The following NALF1 variants were observed in gnomAD, a reference collection of about 807,000 sequenced individuals.
NALF1 encodes the protein NALCN channel auxiliary factor 1.
In NALF1, 3 loss-of-function variants were observed where a neutral mutation model predicts 48.4. The observed-to-expected ratio is 0.06, with a 90% confidence interval of 0.03 to 0.16. NALF1 has a LOEUF of 0.16. Among genes scored for constraint, NALF1 ranks in the 10% least tolerant of loss-of-function variants. The pLI is 1.00. For missense variants in NALF1, 526 were observed against 571.5 expected (o/e 0.92, Z 0.81); for synonymous variants, 262 against 245.7 (o/e 1.07, Z -0.62).
At chr13:107,188,691 A>G (rs943870089) in intron 2 of NALF1, among the ~76,000 whole-genome samples, 10 of 152,210 alleles carry the variant, frequency 6.6e-5, no homozygotes, top group Admixed American at 3.9e-4. Flanking sequence ...AGTGAGAGTA[A>G]GGATGAGTCC....
chr13:107,773,724 T>A (rs1306927192), intron 1 of NALF1, among the ~76,000 whole-genome samples: 1 of 19,424 alleles, frequency 5.1e-5, no homozygotes, highest in African/African-American at 2.0e-4. Flanking sequence ...CACCAGGGAC[T>A]GTTGTGGGGT....
chr13:107,679,471 T>C (rs1881220153), intron 1 of NALF1, among the ~76,000 whole-genome samples: 1 of 152,212 alleles, frequency 6.6e-6, no homozygotes, highest in African/African-American at 2.4e-5. Flanking sequence ...GAGCCAGCCC[T>C]CACTGTGCAA....
chr13:107,432,616 A>G (rs2139018644), intron 1 of NALF1, among the ~76,000 whole-genome samples: 1 of 152,254 alleles, frequency 6.6e-6, no homozygotes, highest in Admixed American at 6.5e-5. Flanking sequence ...TCAGGTGTCC[A>G]CTACACCCCA....
At chr13:107,700,205 G>A (rs925201947) in intron 1 of NALF1, among the ~76,000 whole-genome samples, 9 of 151,598 alleles carry the variant, frequency 5.9e-5, no homozygotes, top group Admixed American at 2.0e-4. Context: ...AAGAAATACC[G>A]AGGAAGAGAA....
intron 1 of NALF1, among the ~76,000 whole-genome samples, chr13:107,618,414 T>G (rs1364729025): frequency 6.6e-6 from 1 of 152,174 alleles, no homozygotes; most frequent in Admixed American, 6.5e-5. Flanking sequence ...TTTTGTTTTA[T>G]GATAAGTGTA....
intron 1 of NALF1, among the ~76,000 whole-genome samples, chr13:107,467,309 AATAG>A (rs1472476024): frequency 2.3e-5 from 2 of 87,338 alleles, no homozygotes; most frequent in Non-Finnish European, 6.6e-5. Context: ...TGGCACCTAA[AATAG>A]ATATATACTT....
chr13:107,753,324 G>C (rs913673867), intron 1 of NALF1, among the ~76,000 whole-genome samples: 1 of 152,034 alleles, frequency 6.6e-6, no homozygotes, highest in African/African-American at 2.4e-5. Flanking sequence ...GTGCAATAAG[G>C]CTTCAATCCA....
At chr13:107,333,099 G>A (rs1882499425) in intron 1 of NALF1, among the ~76,000 whole-genome samples, 1 of 152,126 alleles carries the variant, frequency 6.6e-6, no homozygotes, top group African/African-American at 2.4e-5. Context: ...GCCCGCCTCG[G>A]CCTCCCAAAG....
At chr13:107,743,951 T>C (rs1876709300) in intron 1 of NALF1, among the ~76,000 whole-genome samples, 2 of 152,244 alleles carry the variant, frequency 1.3e-5, no homozygotes, top group East Asian at 1.9e-4. Flanking sequence ...CAAAATAGAT[T>C]AGAATTGGGA....
In NALF1 at chr13:107,715,493, T is replaced by A. The variant is rs533408527; in HGVS notation, c.915+150189A>T. 6.6e-5 allele frequency among the ~76,000 whole-genome samples: 10 copies of A among 152,236 alleles called. No individual in the cohort carries two copies. The East Asian group carries it at 1.9e-3, about 29-fold the overall frequency. On this transcript the variant is annotated intron_variant, in intron 1 of 2. Transcript: ENST00000375915. The stretch of plus-strand genomic sequence containing the variant: ...CTGGGATTATAGGCGTGAGCCACCG[T>A]CCCCGGCCTTTTATAACAGTTTAGT...
intron 1 of NALF1, among the ~76,000 whole-genome samples, chr13:107,815,294 GA>G (rs1205105831): frequency 1.3e-5 from 2 of 150,884 alleles, no homozygotes; most frequent in Non-Finnish European, 3.0e-5. Flanking sequence ...GATCCAAAAA[GA>G]ACTCTTATAA....
intron 1 of NALF1, among the ~76,000 whole-genome samples, chr13:107,822,561 T>G (rs9587443): frequency 0.13 from 19,528 of 152,228 alleles, 1,322 homozygotes; most frequent in Middle Eastern, 0.17. Flanking sequence ...TACTGCTTTA[T>G]CATATAAGCA....
chr13:107,742,227 T>C (rs1876659631), intron 1 of NALF1, among the ~76,000 whole-genome samples: 1 of 152,214 alleles, frequency 6.6e-6, no homozygotes. Context: ...GCTATTCATG[T>C]GCTGCCTCTT....
At chr13:107,476,695 G>C (rs563119748) in intron 1 of NALF1, among the ~76,000 whole-genome samples, 1 of 151,946 alleles carries the variant, frequency 6.6e-6, no homozygotes, top group African/African-American at 2.4e-5. Context: ...AACACGTGGA[G>C]CTGCAAATTT....
chr13:107,680,629 TGA>T lies in NALF1; in HGVS notation c.915+185051_915+185052del, dbSNP rs547052504. On this transcript the variant is annotated intron_variant, in intron 1 of 2. Coordinates refer to ENST00000375915, the MANE Select transcript of NALF1 (RefSeq NM_001080396.3). Reference sequence around the variant, plus strand: ...GTGCACGAGTGAGGGTGTATGTTTGTGAGAGTGTGAAAGTGTGCATATGAGTG... The same window carrying T: ...GTGCACGAGTGAGGGTGTATGTTTGTGAGTGTGAAAGTGTGCATATGAGTG... 5.7e-3 allele frequency among the ~76,000 whole-genome samples: 219 copies of T among 38,754 alleles called. 1 individual carries two copies. The highest frequency in any genetic ancestry group is 7.6e-3 in the Admixed American group (17 of 2,234). 25.4% of individuals were successfully genotyped at this position (38,754 alleles called of 152,430 possible).
At chr13:107,214,965 T>C (rs181435564) in intron 1 of NALF1, among the ~76,000 whole-genome samples, 31 of 152,234 alleles carry the variant, frequency 2.0e-4, no homozygotes, top group Admixed American at 3.9e-4. Flanking sequence ...CACAGCCCAG[T>C]CCATAGTTTT....
At chr13:107,670,106 T>C (rs1880955159) in intron 1 of NALF1, among the ~76,000 whole-genome samples, 1 of 152,152 alleles carries the variant, frequency 6.6e-6, no homozygotes, top group Admixed American at 6.6e-5. Context: ...AGAGTCACAT[T>C]AAAATTACTG....
intron 1 of NALF1, among the ~76,000 whole-genome samples, chr13:107,386,445 C>T (rs953258019): frequency 1.3e-5 from 2 of 152,122 alleles, no homozygotes; most frequent in African/African-American, 2.4e-5. Flanking sequence ...CTTGGAAAGT[C>T]CCTCCATAGC....
At chr13:107,351,688 C>T (rs1882878793) in intron 1 of NALF1, among the ~76,000 whole-genome samples, 2 of 152,210 alleles carry the variant, frequency 1.3e-5, no homozygotes, top group Non-Finnish European at 2.9e-5. Flanking sequence ...GCGTGCCATT[C>T]TATCCATTCC....
Sources: allele counts gnomAD v4.1 joint callset (sites outside exome capture counted in the v4.1 genomes callset), GRCh38; gene constraint gnomAD v4.1.1; transcripts MANE v1.5; gene names NCBI Gene and HGNC (gene_info 2026-07-23, HGNC 2026-07-21).